Variants in RHPN2 observed in about 807,000 individuals in gnomAD.
RHPN2 encodes the protein rhophilin Rho GTPase binding protein 2.
RHPN2 carries 40 observed loss-of-function variants against 79.0 expected under a neutral mutation model. The observed-to-expected ratio is 0.51, with a 90% CI of 0.39 to 0.66. RHPN2 has a LOEUF of 0.66. Ranked by LOEUF, RHPN2 falls within the 30% of genes least tolerant of loss-of-function variation. The pLI, the probability that RHPN2 is intolerant of heterozygous loss-of-function variation, is 0.00. For missense variants in RHPN2, 686 were observed against 883.5 expected (o/e 0.78, Z 2.83); for synonymous variants, 285 against 363.5 (o/e 0.78, Z 2.46).
intron 10 of RHPN2, among the ~76,000 whole-genome samples, chr19:32,999,121 C>A (rs1416621832): frequency 6.6e-6 from 1 of 151,812 alleles, no homozygotes; most frequent in Non-Finnish European, 1.5e-5. Flanking sequence ...GGAGAAGCTG[C>A]GTATGTGTGC....
intron 2 of RHPN2, among the ~76,000 whole-genome samples, chr19:33,039,519 C>G (rs1349678722): frequency 6.6e-6 from 1 of 152,086 alleles, no homozygotes; most frequent in Admixed American, 6.6e-5. Flanking sequence ...TATCCCCCCT[C>G]TGAAACGAGT....
At chr19:32,998,737 G>A (rs1971723533) in intron 10 of RHPN2, among the ~76,000 whole-genome samples, 1 of 146,394 alleles carries the variant, frequency 6.8e-6, no homozygotes, top group Non-Finnish European at 1.5e-5. Flanking sequence ...AAGAATAAAG[G>A]AGAGAGGAGA....
rs1389903236 is a variant in RHPN2 at position 33,033,263 on chromosome 19, C to T, written c.186-6631G>A. ...TTGGTGCTTAGTACCACAGTAGGTT[C>T]GACTTAAATATAAAAACTAAGGCTG... On this transcript the variant is annotated intron_variant, in intron 2 of 14. Transcript: ENST00000254260. 2.6e-5 allele frequency among the ~76,000 whole-genome samples: 4 copies of T among 151,952 alleles called. No individual in the cohort carries two copies. In the East Asian group the frequency reaches 5.8e-4, roughly 22 times the overall value.
intron 3 of RHPN2, among the ~76,000 whole-genome samples, chr19:33,023,780 A>G (rs8110351): frequency 0.5 from 71,988 of 144,988 alleles, 22,393 homozygotes; most frequent in African/African-American, 0.86. Context: ...GTGAGACTCC[A>G]TCTCAAAAAA....
intron 14 of RHPN2, among the ~76,000 whole-genome samples, chr19:32,988,900 C>T (rs539448533): frequency 1.3e-5 from 2 of 152,314 alleles, no homozygotes; most frequent in African/African-American, 2.4e-5. Flanking sequence ...ATGCCAGCTT[C>T]GCTGGGGGGC....
At chr19:33,005,901 A>C (rs1483862323) in intron 7 of RHPN2, among the ~76,000 whole-genome samples, 1 of 152,028 alleles carries the variant, frequency 6.6e-6, no homozygotes, top group Non-Finnish European at 1.5e-5. Context: ...TTAATTAATT[A>C]ATTATTTTTT....
At chr19:33,002,514 C>T in intron 8 of RHPN2, 111 bp from the exon 9 acceptor site, 1 of 1,369,012 alleles carries the variant, frequency 7.3e-7, no homozygotes, top group Admixed American at 1.8e-5. Context: ...CTGCCAGGGG[C>T]TGCTCCAGAA....
chr19:33,040,852 G>A (rs1972095235), intron 2 of RHPN2, among the ~76,000 whole-genome samples: 1 of 152,108 alleles, frequency 6.6e-6, no homozygotes, highest in Non-Finnish European at 1.5e-5. Flanking sequence ...TACTCGGGAG[G>A]CTGAGGCACA....
chr19:33,018,385 T>C (rs1384909808), intron 4 of RHPN2, among the ~76,000 whole-genome samples: 1 of 151,774 alleles, frequency 6.6e-6, no homozygotes, highest in African/African-American at 2.4e-5. Context: ...CCCAGGCTGG[T>C]CTCAAACTCC....
intron 2 of RHPN2, among the ~76,000 whole-genome samples, chr19:33,030,536 T>C (rs1261155154): frequency 6.6e-6 from 1 of 151,986 alleles, no homozygotes; most frequent in African/African-American, 2.4e-5. Flanking sequence ...GAGGTTGCAG[T>C]GAGCTGAGAG....
At chr19:33,030,198 C>A (rs1971999987) in intron 2 of RHPN2, among the ~76,000 whole-genome samples, 1 of 152,160 alleles carries the variant, frequency 6.6e-6, no homozygotes, top group Non-Finnish European at 1.5e-5. Flanking sequence ...CACACACACG[C>A]ACATTTGGAC....
At chr19:33,014,398 C>T (rs903561066) in intron 4 of RHPN2, among the ~76,000 whole-genome samples, 2 of 152,052 alleles carry the variant, frequency 1.3e-5, no homozygotes, top group African/African-American at 4.8e-5. Context: ...CTTGAACTCC[C>T]GGGCTCAAGT....
At position 33,002,892 on chromosome 19, in the gene RHPN2, C is replaced by T. The variant is rs1277140382; in HGVS notation, c.869G>A (p.Ser290Asn). The T allele has an allele frequency of 1.2e-6, 2 of 1,613,828 alleles. No homozygotes were observed. The highest frequency in any genetic ancestry group is 4.5e-5 in the East Asian group (2 of 44,878). The change falls in exon 8 of 15, where the codon AGC (serine) becomes AAC (asparagine). Residue 290 changes from serine (S) to asparagine (N), a missense_variant. By Grantham distance (46) the Ser-to-Asn change is conservative. Transcript: ENST00000254260. The stretch of plus-strand genomic sequence containing the variant: ...AGGAAGGCTGATTTTCTCAAACACG[C>T]TTTCTTGGGCTTGTGCAAGCATCAT... ...VKMMLAQAQESVFEKISLPGI... is the reference protein window; with the variant it reads ...VKMMLAQAQENVFEKISLPGI...
rs535688945 is a variant in RHPN2 at position 33,041,719 on chromosome 19, C to T, written c.185+2530G>A. ...TGTCTCTAAGGCTGGCCATCCTGGG[C>T]CAACCTCTATGATATTCAGAGTTCA... On this transcript the variant is annotated intron_variant, in intron 2 of 14. Transcript: ENST00000254260. 3.3e-5 allele frequency among the ~76,000 whole-genome samples: 5 copies of T among 152,294 alleles called. No individual in the cohort carries two copies. In the East Asian group the frequency reaches 9.6e-4, roughly 29 times the overall value.
At chr19:32,999,147 A>G (rs1971728289) in intron 10 of RHPN2, among the ~76,000 whole-genome samples, 1 of 152,006 alleles carries the variant, frequency 6.6e-6, no homozygotes, top group Non-Finnish European at 1.5e-5. Context: ...TGGTGCGCAG[A>G]GGGGCAGGTT....
intron 7 of RHPN2, 46 bp downstream of exon 7, chr19:33,007,968 C>G (rs766247975): frequency 6.2e-7 from 1 of 1,608,048 alleles, no homozygotes; most frequent in East Asian, 2.2e-5. Context: ...CTGGTGCCAC[C>G]GGGTGGGGCC....
chr19:33,001,842 G>A (rs1971751122), intron 9 of RHPN2, among the ~76,000 whole-genome samples: 1 of 152,170 alleles, frequency 6.6e-6, no homozygotes, highest in South Asian at 2.1e-4. Flanking sequence ...GACCTCAAAT[G>A]ATCTGCCTGC....
At chr19:32,986,225 C>T (rs1368147133) in intron 14 of RHPN2, among the ~76,000 whole-genome samples, 2 of 152,182 alleles carry the variant, frequency 1.3e-5, no homozygotes, top group African/African-American at 4.8e-5. Context: ...CCTGGTGTAA[C>T]GATGTCACAG....
chr19:33,015,894 C>A (rs1360145844), intron 4 of RHPN2, among the ~76,000 whole-genome samples: 2 of 151,286 alleles, frequency 1.3e-5, no homozygotes, highest in Non-Finnish European at 2.9e-5. Flanking sequence ...ACTAAAAATA[C>A]AAAAAATTAG....
Sources: gnomAD v4.1 joint callset for allele counts (sites outside exome capture counted in the v4.1 genomes callset) on GRCh38, gnomAD v4.1.1 for gene constraint, MANE v1.5 for transcripts, NCBI Gene and HGNC (gene_info 2026-07-23, HGNC 2026-07-21) for gene names.